LRRC37A2: variants seen among roughly 807,000 people sequenced by gnomAD.
LRRC37A2 encodes the protein leucine-rich repeat-containing protein 37A2.
A neutral mutation model predicts 68.8 loss-of-function variants in LRRC37A2; 9 were observed. That is an observed-to-expected ratio of 0.13 (90% CI 0.08 to 0.23). LRRC37A2 has a LOEUF of 0.23. LRRC37A2 is among the 10% of genes least tolerant of loss of function. LRRC37A2 has a pLI of 1.00. For synonymous variants in LRRC37A2, 63 were observed against 367.6 expected (o/e 0.17, Z 9.48); for missense variants, 168 against 950.4 (o/e 0.18, Z 10.82).
the LRRC37A2 span, among the ~76,000 whole-genome samples, chr17:46,759,201 C>T: frequency 6.6e-6 from 1 of 152,088 alleles, no homozygotes; most frequent in Admixed American, 6.6e-5. Flanking sequence ...AAACTCTTGT[C>T]TCGAAAAATA....
At chr17:46,890,516 G>A in the LRRC37A2 span, among the ~76,000 whole-genome samples, 1 of 152,166 alleles carries the variant, frequency 6.6e-6, no homozygotes, top group Non-Finnish European at 1.5e-5. Context: ...TACTGGTGTC[G>A]TGTGACAGCA....
chr17:46,751,156 G>T, the LRRC37A2 span, among the ~76,000 whole-genome samples: 1 of 152,154 alleles, frequency 6.6e-6, no homozygotes, highest in Admixed American at 6.5e-5. Flanking sequence ...CTGGGTAAGA[G>T]AATTAAAGGA....
chr17:46,916,301 T>C, the LRRC37A2 span, among the ~76,000 whole-genome samples: 3 of 152,238 alleles, frequency 2.0e-5, no homozygotes, highest in African/African-American at 7.2e-5. Context: ...GAGGGCCAGA[T>C]GTTCCTTACA....
chr17:46,850,687 G>A, the LRRC37A2 span, among the ~76,000 whole-genome samples: 1 of 152,066 alleles, frequency 6.6e-6, no homozygotes, highest in Non-Finnish European at 1.5e-5. Context: ...CAGGTACCAC[G>A]CGCCGCTTTG....
At chr17:46,549,300 T>C (rs1267376185) in exon 10 of LRRC37A2, 2 of 1,608,802 alleles carry the variant, frequency 1.2e-6, no homozygotes, top group African/African-American at 1.4e-5. Flanking sequence ...AAAACAATAA[T>C]ACAAAACACA....
chr17:46,769,715 C>T, the LRRC37A2 span: 2 of 1,588,700 alleles, frequency 1.3e-6, no homozygotes, highest in African/African-American at 2.7e-5. Context: ...AGGTGGGGGC[C>T]AGGGCAGCTC....
At chr17:46,493,159 CTTTT>C in the LRRC37A2 span, among the ~76,000 whole-genome samples, 3 of 92,350 alleles carry the variant, frequency 3.2e-5, no homozygotes, top group Non-Finnish European at 4.1e-5. Context: ...ATACTAAAAT[CTTTT>C]TTTTTTTTTT....
chr17:46,896,452 AAAAGAAAG>A, the LRRC37A2 span, among the ~76,000 whole-genome samples: 1 of 65,834 alleles, frequency 1.5e-5, no homozygotes, highest in Non-Finnish European at 3.2e-5. Flanking sequence ...GAAAGAAAGA[AAAAGAAAG>A]AAAGAAAGAA....
chr17:46,456,208 A>ATG, the LRRC37A2 span, among the ~76,000 whole-genome samples: 4 of 20,646 alleles, frequency 1.9e-4, 2 homozygotes, highest in African/African-American at 3.0e-4. Context: ...ATTCCATGGG[A>ATG]TATGTGTGTG....
chr17:46,537,077 ATTTTT>A lies in LRRC37A2; in HGVS notation c.2907-3074_2907-3070del, dbSNP rs766255014. On this transcript the variant is annotated intron_variant, in intron 6 of 14. Transcript: ENST00000576629. ...GTTCTGAAAAAGTTTATTGTGGTCA[ATTTTT>A]TTTTTTTTTTTTTTTTTTTTTTTTG... Among the ~76,000 whole-genome samples the A allele has an allele frequency of 3.5e-3, 123 of 34,798 alleles. 5 individuals are homozygous for A. The highest frequency in any genetic ancestry group is 0.023 in the African/African-American group (115 of 5,108). 22.8% of individuals were successfully genotyped at this position (34,798 alleles called of 152,430 possible). A position where few individuals can be genotyped will look rare whatever the true frequency, so the allele number is the denominator to read the frequency against.
At chr17:46,981,246 T>A in the LRRC37A2 span, among the ~76,000 whole-genome samples, 1 of 151,370 alleles carries the variant, frequency 6.6e-6, no homozygotes, top group East Asian at 1.9e-4. Context: ...CTGCTCCCTG[T>A]TATGGTTTGA....
chr17:47,019,679 C>G, the LRRC37A2 span: 8 of 1,387,162 alleles, frequency 5.8e-6, no homozygotes, highest in East Asian at 1.8e-4. Context: ...CAAGCACCAA[C>G]ATATGTGAGC....
chr17:47,034,184 T>G, the LRRC37A2 span, among the ~76,000 whole-genome samples: 1 of 152,148 alleles, frequency 6.6e-6, no homozygotes, highest in Non-Finnish European at 1.5e-5. Context: ...AAAAAGACTT[T>G]TAAAAAGTGG....
the LRRC37A2 span, among the ~76,000 whole-genome samples, chr17:46,918,008 A>G: frequency 6.6e-6 from 1 of 152,222 alleles, no homozygotes; most frequent in Non-Finnish European, 1.5e-5. Flanking sequence ...ACTTTTCTCT[A>G]CTAATTATTC....
At chr17:46,867,733 A>G in the LRRC37A2 span, among the ~76,000 whole-genome samples, 2 of 152,146 alleles carry the variant, frequency 1.3e-5, no homozygotes, top group Non-Finnish European at 2.9e-5. Flanking sequence ...GGAGGTGGGG[A>G]AGGAGGTTCC....
the LRRC37A2 span, among the ~76,000 whole-genome samples, chr17:46,771,125 C>T: frequency 6.6e-6 from 1 of 152,178 alleles, no homozygotes; most frequent in Non-Finnish European, 1.5e-5. Context: ...CCCGCGGCCG[C>T]TCTCCGCGGC....
the LRRC37A2 span, chr17:46,931,249 A>G: frequency 3.2e-6 from 3 of 936,426 alleles, no homozygotes; most frequent in Non-Finnish European, 5.3e-6. Flanking sequence ...CTCCAGGCCC[A>G]TCAAGACAGG....
chr17:46,865,242 A>C, the LRRC37A2 span, among the ~76,000 whole-genome samples: 1 of 152,178 alleles, frequency 6.6e-6, no homozygotes, highest in South Asian at 2.1e-4. Context: ...TGAGATGCAA[A>C]GCATGCTTGC....
the LRRC37A2 span, among the ~76,000 whole-genome samples, chr17:46,679,980 T>C: frequency 6.9e-6 from 1 of 144,090 alleles, no homozygotes; most frequent in Non-Finnish European, 1.5e-5. Context: ...AGGAGAAAAT[T>C]CTAAACATTT....
Sources: allele counts gnomAD v4.1 joint callset (sites outside exome capture counted in the v4.1 genomes callset), GRCh38; gene constraint gnomAD v4.1.1; transcripts MANE v1.5; gene names NCBI Gene and HGNC (gene_info 2026-07-23, HGNC 2026-07-21).